Variants in MVB12B observed in about 807,000 individuals in gnomAD.
MVB12B encodes the protein multivesicular body subunit 12B.
Under a neutral mutation model 41.6 loss-of-function variants are expected in MVB12B, and 16 were observed. The ratio of observed to expected loss-of-function variants is 0.38; its 90% CI spans 0.26 to 0.58. The LOEUF is 0.58. Ranked by LOEUF, MVB12B falls within the 20% of genes least tolerant of loss-of-function variation. The pLI is 0.62. For missense variants in MVB12B, 274 were observed against 380.2 expected (o/e 0.72, Z 2.32); for synonymous variants, 133 against 139.7 (o/e 0.95, Z 0.34).
At chr9:126,336,783 A>C (rs1829296410) in intron 1 of MVB12B, among the ~76,000 whole-genome samples, 1 of 108,182 alleles carries the variant, frequency 9.2e-6, no homozygotes, top group African/African-American at 3.2e-5. Context: ...CACACACACT[A>C]CTATCCTGCC....
Position 126,395,552 on chromosome 9 carries a change from A to C in MVB12B, c.540-23A>C, listed in dbSNP as rs1447019383. The stretch of plus-strand genomic sequence containing the variant: ...ATGCTTTGTGCTAACCAGAGCCATG[A>C]AGATTTCTCTTTTTTCCTAAAGGGA... On this transcript the variant is annotated intron_variant, in intron 5 of 9. Coordinates refer to ENST00000361171, the MANE Select transcript of MVB12B (RefSeq NM_033446.3). The surrounding 1 kb of genome is among the most constrained non-coding windows in gnomAD (Gnocchi z 4.9). 4 of 1,613,820 alleles carry C rather than the reference A, an allele frequency of 2.5e-6. No homozygotes were observed. Among genetic ancestry groups the C allele is most frequent in the Non-Finnish European group, 3.4e-6 (4 of 1,179,872 alleles).
rs561776812 is a variant in MVB12B, at chr9:126,410,552, T to C, written c.663-11302T>C. Reference sequence around the variant, plus strand: ...AGTGCCCAGTGAGTAGTAACTGCCATAGTCCTAAATAATTACAGGAGTGAA... The same window carrying C: ...AGTGCCCAGTGAGTAGTAACTGCCACAGTCCTAAATAATTACAGGAGTGAA... On this transcript the variant is annotated intron_variant, in intron 6 of 9. Transcript: ENST00000361171. Among the ~76,000 whole-genome samples the C allele has an allele frequency of 2.0e-5, 3 of 152,272 alleles. No homozygotes were observed. In the South Asian group the frequency reaches 6.2e-4, roughly 32 times the overall value.
intron 7 of MVB12B, among the ~76,000 whole-genome samples, chr9:126,458,934 G>T (rs75578955): frequency 1.3e-3 from 200 of 152,290 alleles, no homozygotes; most frequent in African/African-American, 4.6e-3. Context: ...TCCAGAAAAG[G>T]CATTCACAAG....
At chr9:126,369,604 C>T (rs1233576480) in intron 2 of MVB12B, among the ~76,000 whole-genome samples, 1 of 152,116 alleles carries the variant, frequency 6.6e-6, no homozygotes, top group Non-Finnish European at 1.5e-5. Flanking sequence ...TGATATCCTA[C>T]ATGGGATATA....
intron 7 of MVB12B, among the ~76,000 whole-genome samples, chr9:126,432,288 C>G (rs1490974020): frequency 6.6e-6 from 1 of 152,244 alleles, no homozygotes; most frequent in African/African-American, 2.4e-5. Context: ...AGGGAACCCC[C>G]TTGAGCCCAG....
intron 7 of MVB12B, among the ~76,000 whole-genome samples, chr9:126,439,328 C>T (rs1375455201): frequency 1.3e-5 from 2 of 152,026 alleles, no homozygotes; most frequent in Non-Finnish European, 2.9e-5. Flanking sequence ...GGGCGCTGGG[C>T]GCAGGGTGAG....
At chr9:126,328,234 C>T (rs987998148) in intron 1 of MVB12B, among the ~76,000 whole-genome samples, 1 of 152,126 alleles carries the variant, frequency 6.6e-6, no homozygotes, top group Non-Finnish European at 1.5e-5. Context: ...TAAATAGGGC[C>T]TCAGAGAGAT....
At chr9:126,336,537 T>C (rs1829282170) in intron 1 of MVB12B, among the ~76,000 whole-genome samples, 1 of 152,210 alleles carries the variant, frequency 6.6e-6, no homozygotes, top group Non-Finnish European at 1.5e-5. Flanking sequence ...GGTGCTGCAG[T>C]ACCGGGAGCT....
chr9:126,495,357 C>G (rs540787903), intron 9 of MVB12B, among the ~76,000 whole-genome samples: 1 of 152,158 alleles, frequency 6.6e-6, no homozygotes, highest in Non-Finnish European at 1.5e-5. Context: ...GAGAGCGAGG[C>G]GAGAGCAAGT....
chr9:126,363,917 C>G (rs1830093530), intron 2 of MVB12B, among the ~76,000 whole-genome samples: 1 of 152,180 alleles, frequency 6.6e-6, no homozygotes, highest in Non-Finnish European at 1.5e-5. Flanking sequence ...TCTTTAATTA[C>G]AGTTTAATTA....
At chr9:126,394,724 G>A (rs528430563) in intron 5 of MVB12B, among the ~76,000 whole-genome samples, 24 of 152,210 alleles carry the variant, frequency 1.6e-4, no homozygotes, top group Non-Finnish European at 3.2e-4. Flanking sequence ...AGACAGGATT[G>A]TGGTTTTACA....
intron 6 of MVB12B, among the ~76,000 whole-genome samples, chr9:126,398,447 C>T (rs1831179804): frequency 6.6e-6 from 1 of 152,178 alleles, no homozygotes; most frequent in African/African-American, 2.4e-5. Context: ...ACAGGAATTC[C>T]ATTTCCCACG....
rs552896165 is a variant in MVB12B, at chr9:126,391,030, C to T, written c.410-1036C>T. Among the ~76,000 whole-genome samples, 3 of 151,580 alleles carry T rather than the reference C, an allele frequency of 2.0e-5. No individual in the cohort carries two copies. In the South Asian group the frequency reaches 6.3e-4, roughly 32 times the overall value. The stretch of plus-strand genomic sequence containing the variant: ...TGTGAACCTTTAATAAAACATGGAT[C>T]TTAGCAACAGTCATCAGAGGGTGAG... On this transcript the variant is annotated intron_variant, in intron 4 of 9. Coordinates refer to ENST00000361171, the MANE Select transcript of MVB12B (RefSeq NM_033446.3). The surrounding 1 kb of genome is among the most constrained non-coding windows in gnomAD (Gnocchi z 4.4).
In MVB12B at chr9:126,395,798, T is replaced by C. The variant is rs1385175348; in HGVS notation, c.662+101T>C. 7.2e-6 allele frequency: 11 copies of C among 1,529,540 alleles called. No homozygotes were observed. Among genetic ancestry groups the C allele is most frequent in the Non-Finnish European group, 8.8e-6 (10 of 1,141,498 alleles). The allele number at this position is 1,529,540 out of a possible 1,614,324, so 94.7% of individuals were successfully genotyped here. On this transcript the variant is annotated intron_variant, in intron 6 of 9. Coordinates refer to ENST00000361171, the MANE Select transcript of MVB12B (RefSeq NM_033446.3). The surrounding 1 kb of genome is among the most constrained non-coding windows in gnomAD (Gnocchi z 4.9). ...TAGTGTCTGCTGAAATACTGCAAAG[T>C]ACAGCTGAATAATTGTAGAAGCAAT...
intron 9 of MVB12B, among the ~76,000 whole-genome samples, chr9:126,495,539 C>T (rs1244415456): frequency 6.6e-6 from 1 of 152,184 alleles, no homozygotes. Flanking sequence ...CCCCATCATC[C>T]TATACATGCA....
chr9:126,432,022 GCCC>G (rs1832343644), intron 7 of MVB12B, among the ~76,000 whole-genome samples: 1 of 152,122 alleles, frequency 6.6e-6, no homozygotes, highest in Non-Finnish European at 1.5e-5. Context: ...AGCTTGAGAT[GCCC>G]CAGGCCTCGC....
intron 2 of MVB12B, among the ~76,000 whole-genome samples, chr9:126,372,846 C>T (rs1830377339): frequency 1.3e-5 from 2 of 152,104 alleles, no homozygotes; most frequent in Admixed American, 6.5e-5. Flanking sequence ...TTCAGCCAGG[C>T]CCTAAATAAT....
chr9:126,381,578 A>G (rs1043654834), intron 3 of MVB12B, among the ~76,000 whole-genome samples: 3 of 152,158 alleles, frequency 2.0e-5, no homozygotes, highest in Non-Finnish European at 4.4e-5. Context: ...CCTTGCTTCC[A>G]CAGTGACGTT....
intron 1 of MVB12B, among the ~76,000 whole-genome samples, chr9:126,334,589 C>A (rs1829225421): frequency 6.6e-6 from 1 of 152,226 alleles, no homozygotes; most frequent in South Asian, 2.1e-4. Context: ...CACTCAGGAA[C>A]CATTGCTTTT....
Sources: gnomAD v4.1 joint callset for allele counts (sites outside exome capture counted in the v4.1 genomes callset) on GRCh38, gnomAD v4.1.1 for gene constraint, Gnocchi (gnomAD v3.1) non-coding constraint, MANE v1.5 for transcripts, NCBI Gene and HGNC (gene_info 2026-07-23, HGNC 2026-07-21) for gene names.